NKD1: variants seen among roughly 807,000 people sequenced by gnomAD.
NKD1 encodes the protein NKD inhibitor of Wnt signaling pathway 1, also known as protein naked cuticle homolog 1.
Under a neutral mutation model 56.0 loss-of-function variants are expected in NKD1, and 21 were observed. The ratio of observed to expected loss-of-function variants is 0.38; its 90% CI spans 0.27 to 0.54. The LOEUF (loss-of-function observed/expected upper bound fraction) is 0.54, where lower values mean the gene tolerates loss of function less well. Ranked by LOEUF, NKD1 falls within the 20% of genes least tolerant of loss-of-function variation. The pLI, the probability that NKD1 is intolerant of heterozygous loss-of-function variation, is 0.82. For synonymous variants in NKD1, 263 were observed against 265.7 expected, an observed-to-expected ratio of 0.99 and a Z score of 0.10; for missense variants, 578 against 642.7, an observed-to-expected ratio of 0.90 and a Z score of 1.09.
rs1962361200 is a variant in NKD1, at chr16:50,632,216, AG to A, written c.696-64del. The A allele has an allele frequency of 6.5e-7, 1 of 1,549,680 alleles. No individual in the cohort carries two copies. Among genetic ancestry groups the A allele is most frequent in the Admixed American group, 1.7e-5 (1 of 58,544 alleles). ...GAGTTCATTCTGGGGGCTTCCTAGT[AG>A]CCTATGCGCTTGCCCCCACCTGGTG... On this transcript the variant is annotated intron_variant, in intron 8 of 9. Coordinates refer to ENST00000268459, the MANE Select transcript of NKD1 (RefSeq NM_033119.5). The surrounding 1 kb of genome is among the most constrained non-coding windows in gnomAD (Gnocchi z 4.1).
chr16:50,563,600 G>A (rs1960693207), intron 3 of NKD1, among the ~76,000 whole-genome samples: 1 of 150,640 alleles, frequency 6.6e-6, no homozygotes, highest in African/African-American at 2.5e-5. Flanking sequence ...AGTGGGCACA[G>A]CCCTGGATGC....
chr16:50,622,235 C>T (rs1962109711), intron 5 of NKD1, among the ~76,000 whole-genome samples: 1 of 152,138 alleles, frequency 6.6e-6, no homozygotes, highest in African/African-American at 2.4e-5. Flanking sequence ...CAGCTGTGGG[C>T]AGAGGTTGGT....
rs1962387714 is a variant in NKD1 at position 50,633,289 on chromosome 16, C to T, written c.921C>T (p.His307=). Reference sequence around the variant, plus strand: ...AGCCGGAAGCCATCCACATCCCACACCGAAAGCCCCAAGGCGTGGACCCGG... The same window carrying T: ...AGCCGGAAGCCATCCACATCCCACATCGAAAGCCCCAAGGCGTGGACCCGG... ...SHEPEAIHIP[H]RKPQGVDPAS... The change falls in exon 10 of 10, where the codon CAC becomes CAT. Residue 307 remains histidine (H), a synonymous_variant. Coordinates refer to ENST00000268459, the MANE Select transcript of NKD1 (RefSeq NM_033119.5). The surrounding 1 kb of genome is among the most constrained non-coding windows in gnomAD (Gnocchi z 4.9). 1 of 1,614,154 alleles carries T rather than the reference C, an allele frequency of 6.2e-7. No individual in the cohort carries two copies. The highest frequency in any genetic ancestry group is 8.5e-7 in the Non-Finnish European group (1 of 1,180,008).
intron 3 of NKD1, chr16:50,571,475 A>G (rs1344081957): frequency 2.0e-6 from 2 of 985,108 alleles, no homozygotes; most frequent in East Asian, 2.3e-4. Context: ...CCGCTCACAC[A>G]CCCAAACAGC....
rs904194238 is a variant in NKD1 at position 50,563,284 on chromosome 16, A to G, written c.192+13729A>G. 3.9e-5 allele frequency among the ~76,000 whole-genome samples: 6 copies of G among 152,170 alleles called. No homozygotes were observed. In the South Asian group the frequency reaches 6.2e-4, roughly 16 times the overall value. On this transcript the variant is annotated intron_variant, in intron 3 of 9. Coordinates refer to ENST00000268459, the MANE Select transcript of NKD1 (RefSeq NM_033119.5). ...GATCCTGTGTGTCAGGCTAAACTCC[A>G]TCCTCAGTGGGCACAGTCCTGGACC... is the stretch of plus-strand genomic sequence containing the variant.
intron 3 of NKD1, among the ~76,000 whole-genome samples, chr16:50,603,909 AAG>A (rs1961650584): frequency 6.6e-6 from 1 of 152,166 alleles, no homozygotes; most frequent in East Asian, 1.9e-4. Flanking sequence ...GGGACTTAGG[AAG>A]GTAGCACATC....
chr16:50,593,942 G>A (rs930440561), intron 3 of NKD1, among the ~76,000 whole-genome samples: 5 of 152,128 alleles, frequency 3.3e-5, no homozygotes, highest in Non-Finnish European at 7.4e-5. Flanking sequence ...TGGAGACCAG[G>A]GGCTTCTGAA....
intron 4 of NKD1, among the ~76,000 whole-genome samples, chr16:50,612,356 T>C (rs946556586): frequency 1.2e-4 from 19 of 152,168 alleles, no homozygotes; most frequent in African/African-American, 3.4e-4. Context: ...AAGTGACCTG[T>C]CCAGGGTCAC....
In NKD1 at chr16:50,632,267, C is replaced by T. The variant is rs1306080600; in HGVS notation, c.696-14C>T. 1.2e-6 allele frequency: 2 copies of T among 1,613,714 alleles called. No homozygotes were observed. Among genetic ancestry groups the T allele is most frequent in the Non-Finnish European group, 1.7e-6 (2 of 1,179,778 alleles). On this transcript the variant is annotated splice_polypyrimidine_tract_variant and intron_variant, in intron 8 of 9. Transcript: ENST00000268459. The surrounding 1 kb of genome is among the most constrained non-coding windows in gnomAD (Gnocchi z 4.1). ...GGTTGGTGTTATCCCACTCACTTGCCTCCCCTGCCGTAGGTTCCAGGGTGA... is the reference window on the plus strand; with the variant it reads ...GGTTGGTGTTATCCCACTCACTTGCTTCCCCTGCCGTAGGTTCCAGGGTGA...
chr16:50,589,773 TCTCCTCTC>T (rs1961321263), intron 3 of NKD1, among the ~76,000 whole-genome samples: 3 of 99,810 alleles, frequency 3.0e-5, no homozygotes, highest in South Asian at 9.0e-4. Flanking sequence ...TCTCCTCTCC[TCTCCTCTC>T]CTCTCCTCTC....
chr16:50,570,690 G>A (rs1042170290), intron 3 of NKD1: 24 of 313,634 alleles, frequency 7.7e-5, no homozygotes, highest in Non-Finnish European at 9.7e-5. Context: ...CAGGTGATAC[G>A]TAGGACAGTT....
At chr16:50,580,124 C>T (rs1047247168) in intron 3 of NKD1, among the ~76,000 whole-genome samples, 1 of 152,272 alleles carries the variant, frequency 6.6e-6, no homozygotes. Context: ...TACACATGCA[C>T]TCTCTCAGTC....
chr16:50,596,126 C>A (rs1204592954), intron 3 of NKD1, among the ~76,000 whole-genome samples: 1 of 152,196 alleles, frequency 6.6e-6, no homozygotes, highest in East Asian at 1.9e-4. Context: ...CAGTGAGAAG[C>A]AGGCATGGGT....
chr16:50,630,340 G>A lies in NKD1; in HGVS notation c.610+7G>A, dbSNP rs1161654727. 5.0e-6 allele frequency: 8 copies of A among 1,613,870 alleles called. No individual in the cohort carries two copies. The highest frequency in any genetic ancestry group is 6.8e-6 in the Non-Finnish European group (8 of 1,179,868). ...GTCCTTGTCAATCAGGCTGGTGAGG[G>A]CTGCAGGGCTGAGCCTGGGAAACAA... On this transcript the variant is annotated splice_region_variant and intron_variant, in intron 7 of 9. Coordinates refer to ENST00000268459, the MANE Select transcript of NKD1 (RefSeq NM_033119.5).
chr16:50,562,983 A>ACCCCCCCCC (rs1483596865), intron 3 of NKD1, among the ~76,000 whole-genome samples: 326 of 53,516 alleles, frequency 6.1e-3, no homozygotes, highest in Non-Finnish European at 6.9e-3. Flanking sequence ...AGGTCCCACC[A>ACCCCCCCCC]CCACCCCCCC....
At chr16:50,586,671 C>T (rs773627429) in intron 3 of NKD1, among the ~76,000 whole-genome samples, 22 of 152,182 alleles carry the variant, frequency 1.4e-4, no homozygotes, top group Non-Finnish European at 2.4e-4. Flanking sequence ...CCTTCCTGGC[C>T]TTGCAATTAG....
chr16:50,549,844 G>A (rs1960338670), intron 3 of NKD1, among the ~76,000 whole-genome samples: 1 of 152,136 alleles, frequency 6.6e-6, no homozygotes, highest in Non-Finnish European at 1.5e-5. Context: ...GGATTTGGGG[G>A]CCTGCTCTGA....
rs147461790 is a variant in NKD1 at position 50,642,656 on chromosome 16, G to A, written c.*8875G>A. The A allele has an allele frequency of 7.5e-3, 1,150 of 152,370 alleles. 20 individuals carry two copies. Among genetic ancestry groups the A allele is most frequent in the Non-Finnish European group, 8.6e-3 (588 of 68,056 alleles). The allele number at this position is 152,370 out of a possible 1,614,324, so 9.4% of individuals were successfully genotyped here. On this transcript the variant is annotated 3_prime_UTR_variant, in exon 10 of 10. Transcript: ENST00000268459. ...AAGCGTTCAGCGCAGAGCCTGGCAC[G>A]TAATAGGCCCTCGATAAGTAAAACA...
rs186366549 is a variant in NKD1, at chr16:50,571,308, C to T, written c.192+21753C>T. ...CTGCCTCCTGTGGGGAGATGTGATC[C>T]GGAGAGGGGAAGGTCAGCAATGCAG... On this transcript the variant is annotated intron_variant, in intron 3 of 9. Transcript: ENST00000268459. Among the ~76,000 whole-genome samples, 23 of 152,250 alleles carry T rather than the reference C, an allele frequency of 1.5e-4. No homozygotes were observed. In the East Asian group the frequency reaches 4.1e-3, roughly 27 times the overall value.
Sources: allele counts gnomAD v4.1 joint callset (sites outside exome capture counted in the v4.1 genomes callset), GRCh38; gene constraint gnomAD v4.1.1; non-coding constraint Gnocchi (gnomAD v3.1); transcripts MANE v1.5; gene names NCBI Gene and HGNC (gene_info 2026-07-23, HGNC 2026-07-21).